The following RAB30 variants were observed in gnomAD, a reference collection of about 807,000 sequenced individuals.
The protein encoded by RAB30 is ras-related protein Rab-30.
Under a neutral mutation model 25.1 loss-of-function variants are expected in RAB30, and 9 were observed. The ratio of observed to expected loss-of-function variants is 0.36; its 90% CI spans 0.22 to 0.63. The LOEUF is 0.63. Among genes scored for constraint, RAB30 ranks in the 20% least tolerant of loss-of-function variants. RAB30 has a pLI of 0.69. For synonymous variants in RAB30, 77 were observed against 86.4 expected (o/e 0.89, Z 0.60); for missense variants, 140 against 243.5 (o/e 0.58, Z 2.83).
At chr11:83,051,956 C>G (rs1250451179) in intron 1 of RAB30, among the ~76,000 whole-genome samples, 1 of 152,128 alleles carries the variant, frequency 6.6e-6, no homozygotes, top group East Asian at 1.9e-4. Context: ...CTAGAGTTTT[C>G]AAAGATAAAT....
chr11:82,992,130 C>G (rs1856862739), intron 3 of RAB30, among the ~76,000 whole-genome samples: 1 of 152,082 alleles, frequency 6.6e-6, no homozygotes, highest in Non-Finnish European at 1.5e-5. Context: ...GTTATCTTTA[C>G]CCAACTCCTT....
At chr11:83,067,025 C>G (rs529010599) in intron 1 of RAB30, among the ~76,000 whole-genome samples, 1 of 152,274 alleles carries the variant, frequency 6.6e-6, no homozygotes, top group African/African-American at 2.4e-5. Context: ...GTGAGGCATT[C>G]TGTTGGGTGC....
intron 1 of RAB30, among the ~76,000 whole-genome samples, chr11:83,025,442 G>T (rs954346341): frequency 6.6e-6 from 1 of 152,134 alleles, no homozygotes; most frequent in African/African-American, 2.4e-5. Context: ...GAACAACATT[G>T]CATAACAACA....
Position 82,987,779 on chromosome 11 carries a change from G to A in RAB30, c.178-9C>T, listed in dbSNP as rs751051252. 2 of 1,575,870 alleles carry A rather than the reference G, an allele frequency of 1.3e-6. No individual in the cohort carries two copies. Among genetic ancestry groups the A allele is most frequent in the Non-Finnish European group, 1.7e-6 (2 of 1,153,170 alleles). On this transcript the variant is annotated splice_polypyrimidine_tract_variant and intron_variant, in intron 3 of 4. Transcript: ENST00000527633. ...GTGTCCCAGATCTGTAGCTGTAAAG[G>A]CATAAGATAAGAATCAGGTGAAGAA...
chr11:83,022,271 C>T (rs982690830), intron 1 of RAB30, among the ~76,000 whole-genome samples: 2 of 152,118 alleles, frequency 1.3e-5, no homozygotes, highest in African/African-American at 4.8e-5. Context: ...GTGATTGTCC[C>T]ACCTCAGCCT....
chr11:83,012,728 C>A (rs534450750), intron 1 of RAB30, among the ~76,000 whole-genome samples: 1 of 152,074 alleles, frequency 6.6e-6, no homozygotes, highest in Non-Finnish European at 1.5e-5. Context: ...TTAGGTGCTG[C>A]TACTGTTATT....
intron 1 of RAB30, among the ~76,000 whole-genome samples, chr11:83,001,029 A>G (rs1857070002): frequency 7.2e-6 from 1 of 138,704 alleles, no homozygotes; most frequent in African/African-American, 2.7e-5. Context: ...CCTGGGCGAC[A>G]GAACGAGACT....
intron 1 of RAB30, among the ~76,000 whole-genome samples, chr11:83,007,984 C>T (rs1464277985): frequency 2.0e-5 from 3 of 152,264 alleles, no homozygotes; most frequent in African/African-American, 7.2e-5. Flanking sequence ...AACAATACCA[C>T]TGCAAAGAGC....
intron 1 of RAB30, among the ~76,000 whole-genome samples, chr11:83,067,998 G>C (rs1858745133): frequency 6.6e-6 from 1 of 151,918 alleles, no homozygotes; most frequent in African/African-American, 2.4e-5. Context: ...AGTGGTGGGT[G>C]CCTGTAATCT....
intron 2 of RAB30, among the ~76,000 whole-genome samples, chr11:82,996,542 A>G (rs1343912174): frequency 2.6e-5 from 4 of 152,220 alleles, no homozygotes; most frequent in African/African-American, 9.6e-5. Context: ...AAAACACACA[A>G]AAAAGGTCAA....
At chr11:82,982,498 G>A in intron 4 of RAB30, 83 bp from the exon 5 acceptor site, 3 of 1,433,600 alleles carry the variant, frequency 2.1e-6, no homozygotes, top group Middle Eastern at 2.5e-4. Context: ...CTCCATATCT[G>A]AAGTCAAGCC....
intron 1 of RAB30, among the ~76,000 whole-genome samples, chr11:83,069,073 T>C (rs17144533): frequency 0.033 from 5,074 of 152,214 alleles, 243 homozygotes; most frequent in African/African-American, 0.11. Context: ...ATAACATCAG[T>C]AAACCAAAGA....
At chr11:82,992,556 C>A (rs1016571770) in intron 3 of RAB30, among the ~76,000 whole-genome samples, 1 of 152,036 alleles carries the variant, frequency 6.6e-6, no homozygotes, top group African/African-American at 2.4e-5. Flanking sequence ...AGAGCATGTA[C>A]GTATGGGAGA....
chr11:83,053,533 C>A (rs766570266), intron 1 of RAB30, among the ~76,000 whole-genome samples: 11 of 151,908 alleles, frequency 7.2e-5, no homozygotes, highest in Non-Finnish European at 1.5e-4. Context: ...TGAAGCATAA[C>A]CATCTGTGAC....
intron 1 of RAB30, among the ~76,000 whole-genome samples, chr11:82,998,171 C>G (rs1856998703): frequency 6.6e-6 from 1 of 152,118 alleles, no homozygotes; most frequent in Non-Finnish European, 1.5e-5. Flanking sequence ...TGGGATTATG[C>G]CTGTCAGCTC....
chr11:82,987,787 TA>T lies in RAB30; in HGVS notation c.178-18del. ...GATCTGTAGCTGTAAAGGCATAAGATAAGAATCAGGTGAAGAAGGATCAGGT... is the reference window on the plus strand; with the variant it reads ...GATCTGTAGCTGTAAAGGCATAAGATAGAATCAGGTGAAGAAGGATCAGGT... On this transcript the variant is annotated intron_variant, in intron 3 of 4. Transcript: ENST00000527633. 6.5e-7 allele frequency: 1 copy of T among 1,549,892 alleles called. No homozygotes were observed. The highest frequency in any genetic ancestry group is 1.2e-5 in the South Asian group (1 of 84,304).
chr11:83,068,592 T>C (rs1256851063), intron 1 of RAB30, among the ~76,000 whole-genome samples: 1 of 152,196 alleles, frequency 6.6e-6, no homozygotes, highest in Non-Finnish European at 1.5e-5. Context: ...CTCTCTAGCC[T>C]CTGCCCACCT....
rs372370791 is a variant in RAB30, at chr11:83,020,742, C to T, written c.-8-23418G>A. ...CATAAAAGCCCTGGGCTCAGTCAGA[C>T]CACGGAACAGAGGGAGGATGGGACA... is the stretch of plus-strand genomic sequence containing the variant. On this transcript the variant is annotated intron_variant, in intron 1 of 4. Coordinates refer to ENST00000527633, the MANE Select transcript of RAB30 (RefSeq NM_001286060.2). Among the ~76,000 whole-genome samples the T allele has an allele frequency of 7.1e-4, 108 of 152,306 alleles. 2 individuals are homozygous for T. The highest frequency in any genetic ancestry group is 2.4e-3 in the African/African-American group (100 of 41,578).
At chr11:82,994,301 G>A (rs1015312744) in intron 2 of RAB30, among the ~76,000 whole-genome samples, 179 bp from the exon 3 acceptor site, 1 of 152,106 alleles carries the variant, frequency 6.6e-6, no homozygotes, top group Non-Finnish European at 1.5e-5. Context: ...TATGTCTTGA[G>A]GGAAAGAGAA....
Sources: allele counts gnomAD v4.1 joint callset (sites outside exome capture counted in the v4.1 genomes callset), GRCh38; gene constraint gnomAD v4.1.1; transcripts MANE v1.5; gene names NCBI Gene and HGNC (gene_info 2026-07-23, HGNC 2026-07-21).